KIAA1217: variants seen among roughly 807,000 people sequenced by gnomAD.
KIAA1217 encodes the protein KIAA1217.
KIAA1217 carries 88 observed loss-of-function variants against 163.9 expected under a neutral mutation model. The ratio of observed to expected loss-of-function variants is 0.54; its 90% confidence interval spans 0.45 to 0.64. The LOEUF is 0.64. KIAA1217 is among the 30% of genes least tolerant of loss of function. The pLI, the probability that KIAA1217 is intolerant of heterozygous loss-of-function variation, is 0.00. For missense variants in KIAA1217, 2,372 were observed against 2,475.0 expected, an observed-to-expected ratio of 0.96 and a Z score of 0.88; for synonymous variants, 903 against 923.1, an observed-to-expected ratio of 0.98 and a Z score of 0.39.
rs1381142567 is a variant in KIAA1217, at chr10:23,790,062, C to T, written c.-321+94828C>T. ...ATACATATGCATATACACATATACA[C>T]ATATGCATATACACATATACACATA... is the stretch of plus-strand genomic sequence containing the variant. On this transcript the variant is annotated intron_variant, in intron 1 of 18. Coordinates refer to the KIAA1217 transcript ENST00000376462. Among the ~76,000 whole-genome samples, 3 of 117,538 alleles carry T rather than the reference C, an allele frequency of 2.6e-5. 1 individual carries two copies. The highest frequency in any genetic ancestry group is 7.5e-5 in the African/African-American group (2 of 26,728). The allele number at this position is 117,538 out of a possible 152,430, so 77.1% of individuals were successfully genotyped here.
intron 2 of KIAA1217, among the ~76,000 whole-genome samples, chr10:24,057,456 C>A (rs1378307390): frequency 6.6e-6 from 1 of 152,126 alleles, no homozygotes; most frequent in Non-Finnish European, 1.5e-5. Flanking sequence ...CCCAAGCAAC[C>A]AGAATTCTAC....
In KIAA1217 at chr10:24,219,806, C is replaced by A. The variant is rs1002322026; in HGVS notation, c.251C>A (p.Ser84Tyr). 6.2e-7 allele frequency: 1 copy of A among 1,613,854 alleles called. No individual in the cohort carries two copies. The highest frequency in any genetic ancestry group is 1.3e-5 in the African/African-American group (1 of 74,908). The part of the protein sequence containing the change: ...SSKEILGMQT[S>Y]EMDRKREAFL... Reference sequence around the variant, plus strand: ...AAGGAAATACTGGGAATGCAAACATCTGAGATGGATCGGAAGAGAGAAGCG... The same window carrying A: ...AAGGAAATACTGGGAATGCAAACATATGAGATGGATCGGAAGAGAGAAGCG... Residue 84 changes from serine to tyrosine, a missense_variant, in exon 2 of 21, where the codon TCT becomes TAT. By Grantham distance (144) the Ser-to-Tyr change is moderately radical. Around this residue, in one of 3 missense-constraint regions of KIAA1217, gnomAD observed 1,431 missense variants for 1,470.3 expected, o/e 0.97. Coordinates refer to ENST00000376454, the MANE Select transcript of KIAA1217 (RefSeq NM_019590.5).
chr10:24,053,796 A>T (rs569858411), intron 2 of KIAA1217, among the ~76,000 whole-genome samples: 1 of 152,280 alleles, frequency 6.6e-6, no homozygotes, highest in African/African-American at 2.4e-5. Flanking sequence ...GAATTTTCTG[A>T]ATATATTTAT....
intron 2 of KIAA1217, among the ~76,000 whole-genome samples, chr10:24,037,070 C>T (rs531801385): frequency 2.6e-5 from 4 of 152,148 alleles, no homozygotes; most frequent in Non-Finnish European, 5.9e-5. Flanking sequence ...AGGCTTGTTA[C>T]AAAGTCTTAA....
chr10:24,225,077 G>A (rs1338908721), intron 2 of KIAA1217, among the ~76,000 whole-genome samples: 1 of 151,632 alleles, frequency 6.6e-6, no homozygotes, highest in Non-Finnish European at 1.5e-5. Context: ...TGCCCGCCTT[G>A]GCCTCCCAAA....
At chr10:24,333,951 G>T (rs544273188) in intron 2 of KIAA1217, among the ~76,000 whole-genome samples, 2 of 152,244 alleles carry the variant, frequency 1.3e-5, no homozygotes, top group African/African-American at 4.8e-5. Context: ...AACTAAGAGG[G>T]CAAATTCTTA....
Position 24,543,818 on chromosome 10 carries a change from G to C in KIAA1217, c.4548G>C (p.Gln1516His), listed in dbSNP as rs1198952526. The change falls in exon 19 of 21, where the codon CAG becomes CAC. Residue 1516 changes from glutamine (Q) to histidine (H), a missense_variant. By Grantham distance (24) the Gln-to-His change is conservative (BLOSUM62 0). This residue lies in a region of KIAA1217 where 690 missense variants were observed against 677.5 expected (regional missense o/e 1.02). Coordinates refer to ENST00000376454, the MANE Select transcript of KIAA1217 (RefSeq NM_019590.5). The part of the protein sequence containing the change: ...VAPGNLRTGQ[Q>H]VETKSQPHSL... ...CAGGCAATCTTAGAACCGGACAACA[G>C]GTGGAAACAAAGTCACAGCCACACT... 3.7e-6 allele frequency: 6 copies of C among 1,613,836 alleles called. No homozygotes were observed. The highest frequency in any genetic ancestry group is 3.3e-5 in the Admixed American group (2 of 59,972).
chr10:24,290,291 G>A (rs2078964545), intron 2 of KIAA1217, among the ~76,000 whole-genome samples: 1 of 152,102 alleles, frequency 6.6e-6, no homozygotes, highest in Non-Finnish European at 1.5e-5. Context: ...TGGGAAATGT[G>A]CTCCCCAGAA....
intron 2 of KIAA1217, among the ~76,000 whole-genome samples, chr10:24,258,583 C>A (rs2075397863): frequency 6.7e-6 from 1 of 150,152 alleles, no homozygotes; most frequent in Non-Finnish European, 1.5e-5. Flanking sequence ...CAGGGGCTTA[C>A]TTCTTTTTTT....
chr10:24,408,232 C>T (rs2057417118), intron 3 of KIAA1217, among the ~76,000 whole-genome samples: 1 of 152,178 alleles, frequency 6.6e-6, no homozygotes. Flanking sequence ...GTGCCTGAAC[C>T]ATAACAAACA....
intron 1 of KIAA1217, among the ~76,000 whole-genome samples, chr10:23,813,865 T>C (rs888895664): frequency 1.1e-4 from 16 of 152,170 alleles, no homozygotes; most frequent in Non-Finnish European, 2.2e-4. Flanking sequence ...TATGTCCTTA[T>C]CAACACTGTG....
intron 1 of KIAA1217, 94 bp from the exon 2 acceptor site, chr10:24,219,532 A>T: frequency 1.0e-6 from 1 of 982,386 alleles, no homozygotes; most frequent in Non-Finnish European, 1.4e-6. Flanking sequence ...TAACATTCAT[A>T]CATTAACAAC....
Position 24,473,994 on chromosome 10 carries a change from C to G in KIAA1217, c.1613C>G (p.Pro538Arg), listed in dbSNP as rs778957672. 33 of 1,613,518 alleles carry G rather than the reference C, an allele frequency of 2.0e-5. No individual in the cohort carries two copies. The highest frequency in any genetic ancestry group is 2.8e-5 in the Non-Finnish European group (33 of 1,179,768). ...TTATCCAGCCTTGTAGACCTCGGCC[C>G]TCCTCTAATGGAGAAGCAAGTTTTT... is the stretch of plus-strand genomic sequence containing the variant. Reference protein sequence around the residue: ...AGLSSLVDLGPPLMEKQVFAY... With the variant: ...AGLSSLVDLGRPLMEKQVFAY... The change falls in exon 6 of 21, where the codon CCT becomes CGT. Residue 538 changes from proline (P) to arginine (R), a missense_variant. Transcript: ENST00000376454.
chr10:23,990,416 A>C (rs1014253779), intron 1 of KIAA1217, among the ~76,000 whole-genome samples: 2 of 152,154 alleles, frequency 1.3e-5, no homozygotes, highest in African/African-American at 4.8e-5. Flanking sequence ...GCAAAATAGT[A>C]TCCTTCACCA....
Position 24,154,265 on chromosome 10 carries a change from A to T in KIAA1217, c.-170-65361A>T, listed in dbSNP as rs556924931. 3.3e-5 allele frequency among the ~76,000 whole-genome samples: 5 copies of T among 152,038 alleles called. 1 individual carries two copies. In the South Asian group the frequency reaches 6.2e-4, roughly 19 times the overall value. On this transcript the variant is annotated intron_variant, in intron 2 of 18. Coordinates refer to the KIAA1217 transcript ENST00000376462. ...AGCCACCCCGCCCGGCCAAAAAATAATTTTTTAAAAAAAGTAGCCAGACGT... is the reference window on the plus strand; with the variant it reads ...AGCCACCCCGCCCGGCCAAAAAATATTTTTTTAAAAAAAGTAGCCAGACGT...
At chr10:24,230,358 A>G (rs1016242056) in intron 2 of KIAA1217, among the ~76,000 whole-genome samples, 1 of 152,114 alleles carries the variant, frequency 6.6e-6, no homozygotes, top group Non-Finnish European at 1.5e-5. Flanking sequence ...ATGCTCCACC[A>G]TGGCCTTTGA....
At chr10:24,484,340 G>T (rs956553597) in intron 6 of KIAA1217, among the ~76,000 whole-genome samples, 1 of 146,684 alleles carries the variant, frequency 6.8e-6, no homozygotes, top group African/African-American at 2.5e-5. Flanking sequence ...CGCCTCCCGG[G>T]TTCAAACAAT....
chr10:24,343,228 C>T (rs2047325210), intron 2 of KIAA1217, among the ~76,000 whole-genome samples: 1 of 152,078 alleles, frequency 6.6e-6, no homozygotes. Flanking sequence ...AATGTTAGAC[C>T]TATTTGGATA....
chr10:24,471,673 A>G (rs921912768), intron 5 of KIAA1217, among the ~76,000 whole-genome samples: 1 of 152,134 alleles, frequency 6.6e-6, no homozygotes, highest in Non-Finnish European at 1.5e-5. Flanking sequence ...ACCTGAGGTC[A>G]GGAGTTCAAG....
Sources: allele counts gnomAD v4.1 joint callset (sites outside exome capture counted in the v4.1 genomes callset), GRCh38; gene constraint gnomAD v4.1.1; regional missense constraint gnomAD v4.1.1; transcripts MANE v1.5; gene names NCBI Gene and HGNC (gene_info 2026-07-23, HGNC 2026-07-21).